Variants in DGKZ observed in about 807,000 individuals in gnomAD.
DGKZ encodes the protein DAG kinase zeta.
DGKZ carries 45 observed loss-of-function variants against 142.5 expected under a neutral mutation model. The ratio of observed to expected loss-of-function variants is 0.32; its 90% CI spans 0.25 to 0.40. The LOEUF is 0.40. DGKZ is among the 10% of genes least tolerant of loss of function. DGKZ has a pLI of 1.00. For missense variants in DGKZ, 755 were observed against 1,306.5 expected, an observed-to-expected ratio of 0.58 and a Z score of 6.51; for synonymous variants, 442 against 527.0, an observed-to-expected ratio of 0.84 and a Z score of 2.21.
intron 1 of DGKZ, among the ~76,000 whole-genome samples, chr11:46,334,555 C>T (rs938521250): frequency 2.6e-5 from 4 of 152,148 alleles, no homozygotes; most frequent in African/African-American, 9.7e-5. Flanking sequence ...GGCTCTGGGG[C>T]CATCAGGGCT....
chr11:46,378,501 G>A lies in DGKZ; in HGVS notation c.2418+1G>A. The A allele has an allele frequency of 6.2e-7, 1 of 1,612,926 alleles. No individual in the cohort carries two copies. The highest frequency in any genetic ancestry group is 8.5e-7 in the Non-Finnish European group (1 of 1,179,768). On this transcript the variant is annotated splice_donor_variant, in intron 27 of 30. Transcript: ENST00000527911. LOFTEE classifies it high-confidence loss of function. ...TGCCAAGAGGAACGACTTCTGTAAG[G>A]TACTAGCTCCAGGCTCCAGTTCCTT...
rs547819369 is a variant in DGKZ, at chr11:46,361,694, C to T, written c.162-5597C>T. 2.0e-4 allele frequency: 202 copies of T among 985,384 alleles called. 1 individual carries two copies. In the African/African-American group the frequency reaches 3.5e-3, roughly 17 times the overall value. 61.0% of individuals were successfully genotyped at this position (985,384 alleles called of 1,614,324 possible). A position where few individuals can be genotyped will look rare whatever the true frequency, so the allele number is the denominator to read the frequency against. On this transcript the variant is annotated intron_variant, in intron 1 of 30. Coordinates refer to ENST00000527911, the Ensembl canonical transcript of DGKZ. ...GACCCCAGCTCCCACCTGCGCCCTGCCTTCCAGATCAGGTCAAAAGGGGCC... is the reference window on the plus strand; with the variant it reads ...GACCCCAGCTCCCACCTGCGCCCTGTCTTCCAGATCAGGTCAAAAGGGGCC...
intron 1 of DGKZ, among the ~76,000 whole-genome samples, chr11:46,357,913 C>T (rs1590469316): frequency 6.6e-6 from 1 of 152,296 alleles, no homozygotes; most frequent in East Asian, 1.9e-4. Flanking sequence ...CAGATTGGGG[C>T]ACAGAGAATA....
intron 1 of DGKZ, among the ~76,000 whole-genome samples, chr11:46,352,197 A>T (rs1259771458): frequency 6.6e-6 from 1 of 152,224 alleles, no homozygotes; most frequent in Non-Finnish European, 1.5e-5. Flanking sequence ...GGCCCCTCGG[A>T]GAAGCAGGGA....
At chr11:46,376,265 C>G in intron 22 of DGKZ, 63 bp from the exon 23 acceptor site, 1 of 1,610,376 alleles carries the variant, frequency 6.2e-7, no homozygotes, top group Non-Finnish European at 8.5e-7. Flanking sequence ...TCCCCCTACT[C>G]CAAGTTCCCT....
intron 1 of DGKZ, chr11:46,366,953 G>C (rs1269359705): frequency 6.5e-7 from 1 of 1,537,448 alleles, no homozygotes; most frequent in East Asian, 2.4e-5. Context: ...GCGCAAGGCG[G>C]CCGGACCCCA....
intron 1 of DGKZ, among the ~76,000 whole-genome samples, chr11:46,350,044 T>G (rs1398528372): frequency 6.6e-6 from 1 of 152,132 alleles, no homozygotes; most frequent in African/African-American, 2.4e-5. Flanking sequence ...ATAGGATGCC[T>G]GATGAGAGGA....
rs992657504 is a variant in DGKZ, at chr11:46,377,371, C to T, written c.2342+159C>T. On this transcript the variant is annotated intron_variant, in intron 25 of 30. Coordinates refer to ENST00000527911, the Ensembl canonical transcript of DGKZ. ...CCTGACGGCCTTCAGCCCTGTGGTT[C>T]TGTGGGGAAGCGGCCTCACGTCCAC... The T allele has an allele frequency of 4.4e-6, 6 of 1,350,590 alleles. No homozygotes were observed. The African/African-American group carries it at 9.0e-5, about 20-fold the overall frequency. The allele number at this position is 1,350,590 out of a possible 1,614,324, so 83.7% of individuals were successfully genotyped here.
At chr11:46,368,475 G>C (rs1943573998) in intron 4 of DGKZ, 2 of 353,342 alleles carry the variant, frequency 5.7e-6, no homozygotes, top group South Asian at 2.1e-5. Context: ...ATTGTCCACT[G>C]TGCATTTGCA....
At chr11:46,344,310 G>T (rs543602424), upstream of DGKZ, among the ~76,000 whole-genome samples, 2 of 152,274 alleles carry the variant, frequency 1.3e-5, no homozygotes, top group African/African-American at 2.4e-5. Flanking sequence ...TGAGGACAGA[G>T]CCCTGCTTCC....
exon 1 of DGKZ, chr11:46,333,059 C>A: frequency 2.7e-6 from 1 of 371,718 alleles, no homozygotes; most frequent in African/African-American, 2.1e-5. Context: ...GCCCCCGCCC[C>A]CCCGGAGCGC....
chr11:46,333,181 C>G (rs1939854390), exon 1 of DGKZ: 1 of 1,119,212 alleles, frequency 8.9e-7, no homozygotes, highest in Non-Finnish European at 1.1e-6. Context: ...CCCCTCCCTC[C>G]CCGCCTCGCG....
intron 1 of DGKZ, among the ~76,000 whole-genome samples, chr11:46,348,880 A>T (rs548473041): frequency 6.6e-6 from 1 of 152,304 alleles, no homozygotes; most frequent in South Asian, 2.1e-4. Context: ...GAGCCACCTC[A>T]GACTGAACTC....
upstream of DGKZ, among the ~76,000 whole-genome samples, chr11:46,344,765 T>G (rs1201536888): frequency 6.6e-6 from 1 of 152,132 alleles, no homozygotes; most frequent in Non-Finnish European, 1.5e-5. Flanking sequence ...ATTACTCCAC[T>G]TTACAGATGA....
At position 46,369,253 on chromosome 11, in the gene DGKZ, A is replaced by T. The variant is rs996494341; in HGVS notation, c.445-241A>T. On this transcript the variant is annotated intron_variant, in intron 4 of 30. Transcript: ENST00000527911. ...GGGGGAGACGGACCCAAAGCTCCCAACCTCCCCCTCATCCTGGGTCCTGGG... is the reference window on the plus strand; with the variant it reads ...GGGGGAGACGGACCCAAAGCTCCCATCCTCCCCCTCATCCTGGGTCCTGGG... The T allele has an allele frequency of 6.8e-6, 4 of 586,258 alleles. No individual in the cohort carries two copies. The Admixed American group carries it at 8.4e-5, about 12-fold the overall frequency. The allele number at this position is 586,258 out of a possible 1,614,324, so 36.3% of individuals were successfully genotyped here.
intron 1 of DGKZ, among the ~76,000 whole-genome samples, chr11:46,340,629 C>T (rs1590375949): frequency 6.6e-6 from 1 of 152,330 alleles, no homozygotes; most frequent in East Asian, 1.9e-4. Flanking sequence ...TCATGACTTT[C>T]GTGAAGCTAC....
At position 46,367,544 on chromosome 11, in the gene DGKZ, T is replaced by TGG. The variant is rs1943452010; in HGVS notation, c.271-108_271-107insGG. 9.4e-6 allele frequency: 8 copies of TGG among 855,100 alleles called. No homozygotes were observed. Among genetic ancestry groups the TGG allele is most frequent in the Non-Finnish European group, 1.2e-5 (8 of 671,252 alleles). The allele number at this position is 855,100 out of a possible 1,614,324, so 53.0% of individuals were successfully genotyped here. On this transcript the variant is annotated intron_variant, in intron 2 of 30. Coordinates refer to ENST00000527911, the Ensembl canonical transcript of DGKZ. The surrounding 1 kb of genome is among the most constrained non-coding windows in gnomAD (Gnocchi z 4.1). The stretch of plus-strand genomic sequence containing the variant: ...GGCAGACGGAACAGAGCAGGGTCGA[T>TGG]CGGGGCGCTGGAGTGGGTTTGTCTT...
chr11:46,334,720 G>GACAGAGA (rs1939928029), intron 1 of DGKZ, among the ~76,000 whole-genome samples: 2 of 152,170 alleles, frequency 1.3e-5, no homozygotes, highest in South Asian at 2.1e-4. Flanking sequence ...CCATTACCAA[G>GACAGAGA]TTCTTCCAGA....
chr11:46,352,751 C>G (rs564795023), intron 1 of DGKZ, among the ~76,000 whole-genome samples: 1 of 152,216 alleles, frequency 6.6e-6, no homozygotes, highest in Non-Finnish European at 1.5e-5. Context: ...TTCCGCTCCC[C>G]GAGTTCCTGG....
Sources: gnomAD v4.1 joint callset for allele counts (sites outside exome capture counted in the v4.1 genomes callset) on GRCh38, gnomAD v4.1.1 for gene constraint, Gnocchi (gnomAD v3.1) non-coding constraint, MANE v1.5 for transcripts, NCBI Gene and HGNC (gene_info 2026-07-23, HGNC 2026-07-21) for gene names.